The following KCNIP1 variants were observed in gnomAD, a reference collection of about 807,000 sequenced individuals.
The protein encoded by KCNIP1 is potassium voltage-gated channel interacting protein 1.
In KCNIP1, 18 loss-of-function variants were observed where a neutral mutation model predicts 33.0. The observed-to-expected ratio is 0.55, with a 90% CI of 0.38 to 0.81. KCNIP1 has a LOEUF of 0.81. KCNIP1 is among the 30% of genes least tolerant of loss of function. The pLI is 0.00. For missense variants in KCNIP1, 238 were observed against 271.6 expected (o/e 0.88, Z 0.87); for synonymous variants, 93 against 98.3 (o/e 0.95, Z 0.32).
upstream of KCNIP1, among the ~76,000 whole-genome samples, chr5:170,502,463 T>C (rs1344575071): frequency 1.3e-5 from 2 of 152,174 alleles, no homozygotes; most frequent in African/African-American, 4.8e-5. Flanking sequence ...TCTGTGCCTA[T>C]GTGGCATTGA....
intron 1 of KCNIP1, among the ~76,000 whole-genome samples, chr5:170,455,026 T>C (rs1581207978): frequency 6.6e-6 from 1 of 152,206 alleles, no homozygotes; most frequent in East Asian, 1.9e-4. Context: ...ACCACAATTA[T>C]AAACAAATAT....
At chr5:170,591,482 T>C (rs1321880109) in intron 1 of KCNIP1, among the ~76,000 whole-genome samples, 1 of 152,222 alleles carries the variant, frequency 6.6e-6, no homozygotes, top group Non-Finnish European at 1.5e-5. Context: ...TTAACCATTT[T>C]GGAGTGCGCA....
chr5:170,485,977 G>T (rs1300419699), intron 1 of KCNIP1: 1 of 152,276 alleles, frequency 6.6e-6, no homozygotes, highest in African/African-American at 2.4e-5. Context: ...AGCCCAGAAG[G>T]TGCGTAAAAT....
intron 1 of KCNIP1, chr5:170,420,424 T>A (rs1230730100): frequency 6.6e-6 from 1 of 151,826 alleles, no homozygotes; most frequent in East Asian, 1.9e-4. Flanking sequence ...TCCCAGCTAC[T>A]CAGGAAGCTG....
At chr5:170,632,222 C>T (rs1760075866) in intron 1 of KCNIP1, among the ~76,000 whole-genome samples, 1 of 152,154 alleles carries the variant, frequency 6.6e-6, no homozygotes, top group African/African-American at 2.4e-5. Context: ...AATACCCAGG[C>T]GAGCGAGCAA....
intron 1 of KCNIP1, among the ~76,000 whole-genome samples, chr5:170,453,557 A>G (rs1178255884): frequency 6.6e-6 from 1 of 152,216 alleles, no homozygotes. Flanking sequence ...TTAATTGCCA[A>G]TCAGCTCTGC....
At chr5:170,681,452 G>A (rs1273043450) in intron 1 of KCNIP1, 2 of 269,730 alleles carry the variant, frequency 7.4e-6, no homozygotes, top group East Asian at 6.4e-5. Flanking sequence ...AGTCTTGATG[G>A]ATTATTAGCT....
At chr5:170,377,819 G>C (rs973029675) in intron 1 of KCNIP1, 1 of 152,132 alleles carries the variant, frequency 6.6e-6, no homozygotes, top group African/African-American at 2.4e-5. Context: ...TGATCCACCA[G>C]CCTCGGCCTC....
intron 1 of KCNIP1, among the ~76,000 whole-genome samples, chr5:170,636,159 A>G (rs1194859073): frequency 6.6e-6 from 1 of 152,254 alleles, no homozygotes; most frequent in Non-Finnish European, 1.5e-5. Context: ...AATGTCAGGA[A>G]GTCAGCTGGA....
chr5:170,607,700 T>C (rs555690139), intron 1 of KCNIP1, among the ~76,000 whole-genome samples: 2 of 152,290 alleles, frequency 1.3e-5, no homozygotes, highest in East Asian at 3.9e-4. Context: ...TTTGCCCAGA[T>C]AGACTATTCA....
intron 1 of KCNIP1, chr5:170,639,152 G>A (rs1237915365): frequency 1.3e-5 from 2 of 152,078 alleles, no homozygotes; most frequent in African/African-American, 2.4e-5. Flanking sequence ...AATAATAAAC[G>A]AAATGCCTTC....
chr5:170,618,030 C>T (rs1022333464), intron 1 of KCNIP1, among the ~76,000 whole-genome samples: 1 of 152,182 alleles, frequency 6.6e-6, no homozygotes. Flanking sequence ...TCCACGACAT[C>T]CCCAGGGGAG....
At chr5:170,670,492 C>G (rs1179414142) in intron 1 of KCNIP1, among the ~76,000 whole-genome samples, 1 of 152,182 alleles carries the variant, frequency 6.6e-6, no homozygotes, top group Non-Finnish European at 1.5e-5. Flanking sequence ...GGCCTGAGCT[C>G]AGTTTCCCTG....
chr5:170,608,875 G>A (rs1483571903), intron 1 of KCNIP1, among the ~76,000 whole-genome samples: 2 of 152,232 alleles, frequency 1.3e-5, no homozygotes, highest in African/African-American at 4.8e-5. Context: ...AATCTCCTTT[G>A]CTAGAGGAAG....
chr5:170,457,986 T>C (rs112334677), intron 1 of KCNIP1, among the ~76,000 whole-genome samples: 2 of 152,170 alleles, frequency 1.3e-5, no homozygotes, highest in East Asian at 1.9e-4. Flanking sequence ...ATGAAATAGA[T>C]AGCATAAATA....
chr5:170,467,209 A>C (rs1210798823), intron 1 of KCNIP1, among the ~76,000 whole-genome samples: 1 of 152,184 alleles, frequency 6.6e-6, no homozygotes, highest in Non-Finnish European at 1.5e-5. Flanking sequence ...AGAGGTAGAC[A>C]GGAAAGTGAC....
intron 1 of KCNIP1, among the ~76,000 whole-genome samples, chr5:170,660,969 G>A (rs1285409920): frequency 6.6e-6 from 1 of 152,244 alleles, no homozygotes; most frequent in African/African-American, 2.4e-5. Context: ...GATTTCCCTG[G>A]GGACTGGAAG....
upstream of KCNIP1, among the ~76,000 whole-genome samples, chr5:170,499,533 A>C (rs1278407147): frequency 1.3e-5 from 2 of 152,236 alleles, no homozygotes; most frequent in Non-Finnish European, 2.9e-5. Context: ...TCTCAGAGTA[A>C]AGGGGCAAGC....
At chr5:170,595,059 G>A (rs1294027276) in intron 1 of KCNIP1, among the ~76,000 whole-genome samples, 2 of 152,172 alleles carry the variant, frequency 1.3e-5, no homozygotes, top group Non-Finnish European at 2.9e-5. Flanking sequence ...TCTGTGGCAG[G>A]TATAAGAGTC....
Sources: gnomAD v4.1 joint callset for allele counts (sites outside exome capture counted in the v4.1 genomes callset) on GRCh38, gnomAD v4.1.1 for gene constraint, MANE v1.5 for transcripts, NCBI Gene and HGNC (gene_info 2026-07-23, HGNC 2026-07-21) for gene names.